The following SAMD13 variants were observed in gnomAD, a reference collection of about 807,000 sequenced individuals.
SAMD13 encodes sterile alpha motif domain containing 13.
In SAMD13, 9 loss-of-function variants were observed where a neutral mutation model predicts 12.4. The ratio of observed to expected loss-of-function variants is 0.72; its 90% CI spans 0.44 to 1.26. The LOEUF is 1.26. Among genes scored for constraint, SAMD13 ranks in the 50% most tolerant of loss-of-function variants. The pLI is 0.00. For missense variants in SAMD13, 84 were observed against 119.6 expected, an observed-to-expected ratio of 0.70 and a Z score of 1.39; for synonymous variants, 46 against 45.4, an observed-to-expected ratio of 1.01 and a Z score of -0.05.
chr1:84,302,576 A>ACC (rs1678476118), intron 1 of SAMD13: 1 of 661,656 alleles, frequency 1.5e-6, no homozygotes. Context: ...ACACACACAC[A>ACC]CCAGCACCAC....
At chr1:84,339,375 A>G (rs1406579272) in intron 3 of SAMD13, among the ~76,000 whole-genome samples, 1 of 147,738 alleles carries the variant, frequency 6.8e-6, no homozygotes, top group African/African-American at 2.5e-5. Flanking sequence ...TTTTGCCTTT[A>G]TCTTCTTTAA....
chr1:84,329,454 CTG>C (rs1227570435), intron 3 of SAMD13, among the ~76,000 whole-genome samples: 1 of 152,166 alleles, frequency 6.6e-6, no homozygotes, highest in Non-Finnish European at 1.5e-5. Context: ...GTATTGGAAA[CTG>C]TATGGCTGTG....
intron 2 of SAMD13, among the ~76,000 whole-genome samples, chr1:84,306,830 AAAT>A (rs56408257): frequency 0.023 from 3,292 of 144,470 alleles, 109 homozygotes; most frequent in African/African-American, 0.066. Context: ...CTCCGTCTCA[AAAT>A]AATAATAATA....
intron 3 of SAMD13, among the ~76,000 whole-genome samples, chr1:84,348,142 T>C (rs1679570770): frequency 6.6e-6 from 1 of 152,206 alleles, no homozygotes; most frequent in Non-Finnish European, 1.5e-5. Context: ...AGTGATTGTA[T>C]AACTCATAGC....
Position 84,322,521 on chromosome 1 carries a change from A to G in SAMD13, c.54-3116A>G, listed in dbSNP as rs143642150. ...TCTCTGGTTGTTAGTCCATTGTAAT[A>G]CTTTGCTGTGTATCAACTGTGCACC... On this transcript the variant is annotated intron_variant, in intron 2 of 3. Transcript: ENST00000394834. Among the ~76,000 whole-genome samples the G allele has an allele frequency of 2.1e-3, 315 of 152,250 alleles. 4 individuals are homozygous for G. The highest frequency in any genetic ancestry group is 7.1e-3 in the African/African-American group (296 of 41,540).
At chr1:84,329,409 C>T (rs1679129038) in intron 3 of SAMD13, among the ~76,000 whole-genome samples, 1 of 152,160 alleles carries the variant, frequency 6.6e-6, no homozygotes, top group African/African-American at 2.4e-5. Flanking sequence ...ACTTCCAGGA[C>T]AGTATCTATC....
At chr1:84,305,871 A>G (rs1278289937) in intron 2 of SAMD13, among the ~76,000 whole-genome samples, 1 of 152,158 alleles carries the variant, frequency 6.6e-6, no homozygotes, top group African/African-American at 2.4e-5. Flanking sequence ...ATTTATGCCA[A>G]TATAACACTG....
Position 84,303,267 on chromosome 1 carries a change from T to G in SAMD13, c.33T>G (p.Asn11Lys). MLSVDMENKE[N>K]GSVGVKNSME... ...CTGTTGACATGGAAAACAAGGAAAA[T>G]GGCTCTGTCGGTGTAAAAAAGTAAG... is the stretch of plus-strand genomic sequence containing the variant. The change falls in exon 2 of 4, where the codon AAT becomes AAG. Residue 11 changes from asparagine to lysine, a missense_variant. Transcript: ENST00000394834. The G allele has an allele frequency of 6.2e-7, 1 of 1,612,878 alleles. No homozygotes were observed. The highest frequency in any genetic ancestry group is 2.2e-5 in the East Asian group (1 of 44,848).
chr1:84,349,857 T>G lies in SAMD13; in HGVS notation c.*83T>G. ...ATGTAATGAAACTTTGTAAACAGAA[T>G]ACATACATGTGTATATGTAAAGAAT... On this transcript the variant is annotated 3_prime_UTR_variant, in exon 4 of 4. Coordinates refer to ENST00000394834, the MANE Select transcript of SAMD13 (RefSeq NM_001134663.2). 7 of 1,528,584 alleles carry G rather than the reference T, an allele frequency of 4.6e-6. No individual in the cohort carries two copies. The highest frequency in any genetic ancestry group is 6.1e-6 in the Non-Finnish European group (7 of 1,140,850). 94.7% of individuals were successfully genotyped at this position (1,528,584 alleles called of 1,614,324 possible).
At chr1:84,322,372 G>A (rs1678964938) in intron 2 of SAMD13, among the ~76,000 whole-genome samples, 1 of 152,174 alleles carries the variant, frequency 6.6e-6, no homozygotes, top group Non-Finnish European at 1.5e-5. Flanking sequence ...ATGCTATTTG[G>A]GGTGTGTTTC....
At chr1:84,299,544 C>A, upstream of SAMD13, 1 of 1,401,200 alleles carries the variant, frequency 7.1e-7, no homozygotes, top group Non-Finnish European at 9.6e-7. Context: ...AAGTACACCA[C>A]ATAGTGCACA....
At chr1:84,341,870 G>C (rs1453563089) in intron 3 of SAMD13, among the ~76,000 whole-genome samples, 2 of 152,154 alleles carry the variant, frequency 1.3e-5, no homozygotes, top group Non-Finnish European at 2.9e-5. Flanking sequence ...GTGTATTAAA[G>C]TAGACCAACA....
intron 3 of SAMD13, among the ~76,000 whole-genome samples, chr1:84,342,792 A>ACGGG (rs1167879370): frequency 6.6e-6 from 1 of 151,782 alleles, no homozygotes; most frequent in South Asian, 2.1e-4. Flanking sequence ...GGACATAGGC[A>ACGGG]TGGACAAAGA....
rs550706112 is a variant in SAMD13, at chr1:84,336,456, T to C, written c.165+10708T>C. ...GCAACCAGGAGCAAGTCACATCTTA[T>C]GTGGATGGCAGCAGGCAAAAAGAGA... On this transcript the variant is annotated intron_variant, in intron 3 of 3. Coordinates refer to ENST00000394834, the MANE Select transcript of SAMD13 (RefSeq NM_001134663.2). 3.0e-4 allele frequency among the ~76,000 whole-genome samples: 46 copies of C among 152,304 alleles called. No homozygotes were observed. The South Asian group carries it at 9.1e-3, about 30-fold the overall frequency.
chr1:84,316,309 G>T (rs542302242), intron 2 of SAMD13, among the ~76,000 whole-genome samples: 1 of 152,162 alleles, frequency 6.6e-6, no homozygotes, highest in East Asian at 1.9e-4. Flanking sequence ...CTAATGTCTT[G>T]AAGCTTTCCC....
chr1:84,329,359 C>T (rs1286726119), intron 3 of SAMD13, among the ~76,000 whole-genome samples: 1 of 152,164 alleles, frequency 6.6e-6, no homozygotes, highest in Non-Finnish European at 1.5e-5. Flanking sequence ...GACTAAAATA[C>T]TGGTATTGAT....
At chr1:84,338,408 G>GC (rs981908426) in intron 3 of SAMD13, among the ~76,000 whole-genome samples, 1 of 150,202 alleles carries the variant, frequency 6.7e-6, no homozygotes, top group African/African-American at 2.4e-5. Flanking sequence ...AAGAGAGAGA[G>GC]CTGGTACAGG....
chr1:84,330,491 A>C (rs1679155848), intron 3 of SAMD13, among the ~76,000 whole-genome samples: 1 of 152,162 alleles, frequency 6.6e-6, no homozygotes. Context: ...TCTTGTTCAA[A>C]AGCATCCTTC....
At chr1:84,338,736 C>A (rs1315970741) in intron 3 of SAMD13, among the ~76,000 whole-genome samples, 1 of 152,120 alleles carries the variant, frequency 6.6e-6, no homozygotes, top group Non-Finnish European at 1.5e-5. Context: ...CCGTGCCCGG[C>A]TGGGAACTCC....
Sources: allele counts gnomAD v4.1 joint callset (sites outside exome capture counted in the v4.1 genomes callset), GRCh38; gene constraint gnomAD v4.1.1; transcripts MANE v1.5; gene names NCBI Gene and HGNC (gene_info 2026-07-23, HGNC 2026-07-21).